PCSK2: variants seen among roughly 807,000 people sequenced by gnomAD.
The protein encoded by PCSK2 is proprotein convertase subtilisin/kexin type 2, also known as neuroendocrine convertase 2.
A neutral mutation model predicts 69.7 loss-of-function variants in PCSK2; 14 were observed. The observed-to-expected ratio is 0.20, with a 90% CI of 0.13 to 0.31. The LOEUF (loss-of-function observed/expected upper bound fraction) is 0.31, where lower values mean the gene tolerates loss of function less well. Ranked by LOEUF, PCSK2 falls within the 10% of genes least tolerant of loss-of-function variation. The pLI, the probability that PCSK2 is intolerant of heterozygous loss-of-function variation, is 1.00. For missense variants in PCSK2, 544 were observed against 842.5 expected (o/e 0.65, Z 4.39); for synonymous variants, 307 against 320.7 (o/e 0.96, Z 0.46).
intron 5 of PCSK2, among the ~76,000 whole-genome samples, chr20:17,382,517 G>A (rs6044769): frequency 6.6e-6 from 1 of 152,104 alleles, no homozygotes; most frequent in Non-Finnish European, 1.5e-5. Context: ...CAATGACTAA[G>A]GTGCTAAACG....
intron 5 of PCSK2, among the ~76,000 whole-genome samples, chr20:17,373,881 G>A (rs2123238760): frequency 6.6e-6 from 1 of 152,322 alleles, no homozygotes; most frequent in South Asian, 2.1e-4. Context: ...AGTGTTGGGA[G>A]TAAAGGATAA....
At chr20:17,338,425 G>A (rs1021033987) in intron 2 of PCSK2, among the ~76,000 whole-genome samples, 7 of 152,010 alleles carry the variant, frequency 4.6e-5, no homozygotes, top group African/African-American at 1.4e-4. Flanking sequence ...TTGAACTCCT[G>A]ACCTTTTGAT....
At chr20:17,311,857 C>G (rs1989525296) in intron 2 of PCSK2, among the ~76,000 whole-genome samples, 1 of 152,116 alleles carries the variant, frequency 6.6e-6, no homozygotes, top group Admixed American at 6.5e-5. Flanking sequence ...TTCCCTTTCC[C>G]TACTTCTGTA....
At chr20:17,429,204 C>T (rs969917939) in intron 6 of PCSK2, among the ~76,000 whole-genome samples, 4 of 151,706 alleles carry the variant, frequency 2.6e-5, no homozygotes, top group African/African-American at 9.7e-5. Flanking sequence ...ACAAACCACC[C>T]CAAAATGGGG....
At chr20:17,391,906 G>GAGGAAGGAAGGAAGGGAGGAAGGAAGGA (rs2031385099) in intron 5 of PCSK2, among the ~76,000 whole-genome samples, 3 of 100,010 alleles carry the variant, frequency 3.0e-5, no homozygotes, top group Non-Finnish European at 6.0e-5. Flanking sequence ...GAAAGAGAGA[G>GAGGAAGGAAGGAAGGGAGGAAGGAAGGA]AGGAAGGAAG....
intron 5 of PCSK2, among the ~76,000 whole-genome samples, chr20:17,377,305 C>T (rs2030955477): frequency 1.3e-5 from 2 of 152,356 alleles, no homozygotes; most frequent in South Asian, 4.1e-4. Context: ...AAAAGGCCCA[C>T]CCCTACATTC....
intron 11 of PCSK2, among the ~76,000 whole-genome samples, chr20:17,477,226 T>C (rs188206894): frequency 6.6e-6 from 1 of 152,336 alleles, no homozygotes; most frequent in Admixed American, 6.5e-5. Context: ...AAAAATATTT[T>C]ACTTATACTC....
intron 1 of PCSK2, among the ~76,000 whole-genome samples, chr20:17,244,744 A>C (rs1264578051): frequency 6.6e-6 from 1 of 152,160 alleles, no homozygotes; most frequent in Non-Finnish European, 1.5e-5. Flanking sequence ...TTCACCAAAA[A>C]ACTCTTACCA....
intron 11 of PCSK2, chr20:17,479,549 C>G: frequency 3.3e-6 from 1 of 305,800 alleles, no homozygotes; most frequent in South Asian, 3.3e-5. Flanking sequence ...CCTGTAATCT[C>G]AGCACTTTGG....
Position 17,227,358 on chromosome 20 carries a change from G to C in PCSK2, c.53G>C (p.Cys18Ser). 6.2e-7 allele frequency: 1 copy of C among 1,614,062 alleles called. No homozygotes were observed. The highest frequency in any genetic ancestry group is 8.5e-7 in the Non-Finnish European group (1 of 1,179,982). The change falls in exon 1 of 12, where the codon TGT (cysteine) becomes TCT (serine). Residue 18 changes from cysteine (C) to serine (S), a missense_variant. Cys to Ser is a moderately radical substitution (Grantham distance 112). This residue lies in a region of PCSK2 where 157 missense variants were observed against 155.0 expected (regional missense o/e 1.01). Transcript: ENST00000262545. The stretch of plus-strand genomic sequence containing the variant: ...AAGGCGGCCGCCGGGTTCCTCTTCT[G>C]TGTCATGGTTTTTGCATCTGCTGAG... Reference protein sequence around the residue: ...QWKAAAGFLFCVMVFASAERP... With the variant: ...QWKAAAGFLFSVMVFASAERP...
intron 1 of PCSK2, among the ~76,000 whole-genome samples, chr20:17,248,757 G>A (rs545499865): frequency 6.6e-6 from 1 of 152,318 alleles, no homozygotes; most frequent in South Asian, 2.1e-4. Context: ...CAAGATCACA[G>A]CAGTGGGGAT....
chr20:17,371,215 C>T (rs922414716), intron 5 of PCSK2, among the ~76,000 whole-genome samples: 1 of 152,196 alleles, frequency 6.6e-6, no homozygotes, highest in Non-Finnish European at 1.5e-5. Flanking sequence ...TGGAGACCGA[C>T]CTCTGCATCC....
intron 2 of PCSK2, among the ~76,000 whole-genome samples, chr20:17,261,800 C>G (rs887916088): frequency 2.6e-5 from 4 of 152,268 alleles, no homozygotes; most frequent in African/African-American, 9.6e-5. Flanking sequence ...TACACTTCAA[C>G]CCTATGCCAT....
intron 2 of PCSK2, among the ~76,000 whole-genome samples, chr20:17,289,280 G>A (rs1236864760): frequency 6.6e-6 from 1 of 152,080 alleles, no homozygotes; most frequent in Non-Finnish European, 1.5e-5. Context: ...CCTAAAACAA[G>A]CCAAATTAGT....
At chr20:17,465,272 T>A (rs2033080761) in intron 10 of PCSK2, 54 bp from the exon 11 acceptor site, 1 of 1,224,964 alleles carries the variant, frequency 8.2e-7, no homozygotes, top group Non-Finnish European at 1.2e-6. Context: ...CCTCTCTCCC[T>A]CTCTCACCCT....
At chr20:17,448,248 C>A (rs180775201) in intron 8 of PCSK2, among the ~76,000 whole-genome samples, 86 of 152,304 alleles carry the variant, frequency 5.6e-4, no homozygotes, top group South Asian at 1.0e-3. Context: ...TGGTCATTAA[C>A]CCTGGTGGCT....
chr20:17,249,684 C>T (rs970735828), intron 1 of PCSK2, among the ~76,000 whole-genome samples: 1 of 152,088 alleles, frequency 6.6e-6, no homozygotes, highest in African/African-American at 2.4e-5. Context: ...GAAATTCTGA[C>T]ACATGCCACA....
chr20:17,357,940 T>C lies in PCSK2; in HGVS notation c.283-387T>C, dbSNP rs117707134. Among the ~76,000 whole-genome samples, 73 of 152,200 alleles carry C rather than the reference T, an allele frequency of 4.8e-4. No homozygotes were observed. The East Asian group carries it at 0.014, about 28-fold the overall frequency. ...ACTTTTCTCTATCTAATTCTTACTT[T>C]AGGGAAACTCACTTTGAGTCATCAC... On this transcript the variant is annotated intron_variant, in intron 2 of 11. Coordinates refer to ENST00000262545, the MANE Select transcript of PCSK2 (RefSeq NM_002594.5).
intron 2 of PCSK2, among the ~76,000 whole-genome samples, chr20:17,269,540 C>T (rs964029473): frequency 4.6e-5 from 7 of 152,090 alleles, no homozygotes; most frequent in Admixed American, 1.3e-4. Context: ...ATTTTTCAAA[C>T]GCTTTCTCAA....
Sources: allele counts gnomAD v4.1 joint callset (sites outside exome capture counted in the v4.1 genomes callset), GRCh38; gene constraint gnomAD v4.1.1; regional missense constraint gnomAD v4.1.1; transcripts MANE v1.5; gene names NCBI Gene and HGNC (gene_info 2026-07-23, HGNC 2026-07-21).